GRID2: variants seen among roughly 807,000 people sequenced by gnomAD.
The protein encoded by GRID2 is glutamate ionotropic receptor delta type subunit 2.
In GRID2, 33 loss-of-function variants were observed where a neutral mutation model predicts 114.8. The observed-to-expected ratio is 0.29, with a 90% CI of 0.22 to 0.38. GRID2 has a LOEUF of 0.38. Among genes scored for constraint, GRID2 ranks in the 10% least tolerant of loss-of-function variants. The probability of loss-of-function intolerance (pLI) is 1.00; values close to 1 mark genes in which losing one functional copy is unlikely to be tolerated. For synonymous variants in GRID2, 505 were observed against 449.9 expected, an observed-to-expected ratio of 1.12 and a Z score of -1.55; for missense variants, 1,184 against 1,257.7, an observed-to-expected ratio of 0.94 and a Z score of 0.89.
chr4:92,815,914 CAAAAAAA>C (rs5860292), intron 2 of GRID2, among the ~76,000 whole-genome samples: 4 of 46,864 alleles, frequency 8.5e-5, no homozygotes, highest in Admixed American at 3.8e-4. Context: ...GACCCTGTCT[CAAAAAAA>C]AAAAAAAAAA....
chr4:92,750,490 CA>C (rs11309254), intron 2 of GRID2, among the ~76,000 whole-genome samples: 89,412 of 151,896 alleles, frequency 0.59, 27,409 homozygotes, highest in Middle Eastern at 0.77. Context: ...TCACATAGAC[CA>C]AAGAAAGAAT....
intron 12 of GRID2, among the ~76,000 whole-genome samples, chr4:93,502,714 C>T (rs5000358): frequency 2.3e-5 from 3 of 132,436 alleles, no homozygotes; most frequent in Non-Finnish European, 4.7e-5. Context: ...CACTCCCCCC[C>T]CCCACACACA....
intron 2 of GRID2, among the ~76,000 whole-genome samples, chr4:92,799,170 G>A (rs1740033063): frequency 6.6e-6 from 1 of 152,010 alleles, no homozygotes; most frequent in African/African-American, 2.4e-5. Context: ...AGTCCCAGAT[G>A]GGCTGTGATG....
chr4:93,742,842 C>G (rs1354705251), intron 14 of GRID2, among the ~76,000 whole-genome samples: 6 of 152,124 alleles, frequency 3.9e-5, no homozygotes, highest in Admixed American at 3.9e-4. Flanking sequence ...AAATAATAAC[C>G]CTACAATAGC....
chr4:93,446,428 T>C (rs187672505), intron 10 of GRID2, among the ~76,000 whole-genome samples: 1 of 152,184 alleles, frequency 6.6e-6, no homozygotes, highest in Non-Finnish European at 1.5e-5. Flanking sequence ...GGAAGAACTT[T>C]GTGGCTATCT....
chr4:92,814,300 C>T (rs1472354153), intron 2 of GRID2, among the ~76,000 whole-genome samples: 3 of 151,996 alleles, frequency 2.0e-5, no homozygotes, highest in African/African-American at 4.8e-5. Flanking sequence ...AGATATAATA[C>T]AGTATTTATG....
At chr4:93,742,289 C>G (rs1000683952) in intron 14 of GRID2, among the ~76,000 whole-genome samples, 1 of 152,170 alleles carries the variant, frequency 6.6e-6, no homozygotes, top group Non-Finnish European at 1.5e-5. Flanking sequence ...CAAGCTTTGT[C>G]CTCATGGATT....
chr4:92,392,536 T>C (rs566244157), intron 1 of GRID2, among the ~76,000 whole-genome samples: 1 of 152,176 alleles, frequency 6.6e-6, no homozygotes, highest in South Asian at 2.1e-4. Context: ...AGACTCTGTC[T>C]CAAAATATAT....
In GRID2 at chr4:92,919,508, T is replaced by C. The variant is rs990411191; in HGVS notation, c.245-165487T>C. 4.6e-5 allele frequency among the ~76,000 whole-genome samples: 7 copies of C among 152,372 alleles called. No homozygotes were observed. The East Asian group carries it at 1.3e-3, about 29-fold the overall frequency. Reference sequence around the variant, plus strand: ...GCATTTAGTGCTATAAGTTTCCCTCTACACACTGCTTTGAATGTGTCCCAG... The same window carrying C: ...GCATTTAGTGCTATAAGTTTCCCTCCACACACTGCTTTGAATGTGTCCCAG... On this transcript the variant is annotated intron_variant, in intron 2 of 15. Coordinates refer to ENST00000282020, the MANE Select transcript of GRID2 (RefSeq NM_001510.4).
chr4:92,514,779 G>A (rs1174910457), intron 1 of GRID2, among the ~76,000 whole-genome samples: 1 of 151,730 alleles, frequency 6.6e-6, no homozygotes, highest in African/African-American at 2.4e-5. Flanking sequence ...GCTGCTATTT[G>A]TAAAACTCAG....
At chr4:92,380,119 A>G (rs1729544828) in intron 1 of GRID2, among the ~76,000 whole-genome samples, 1 of 151,890 alleles carries the variant, frequency 6.6e-6, no homozygotes, top group South Asian at 2.1e-4. Flanking sequence ...TCAGCAAAGC[A>G]AGGCTAACAA....
At chr4:93,055,905 GTAT>G (rs1256389682) in intron 2 of GRID2, among the ~76,000 whole-genome samples, 2 of 151,824 alleles carry the variant, frequency 1.3e-5, no homozygotes, top group African/African-American at 4.8e-5. Flanking sequence ...CTTTCCAATA[GTAT>G]TATGAAAGAA....
At chr4:93,079,833 C>T (rs752758968) in intron 2 of GRID2, among the ~76,000 whole-genome samples, 1 of 152,090 alleles carries the variant, frequency 6.6e-6, no homozygotes, top group Non-Finnish European at 1.5e-5. Flanking sequence ...CTGAAAATTA[C>T]TCAACTGAGT....
intron 2 of GRID2, among the ~76,000 whole-genome samples, chr4:92,740,815 C>T (rs1306748470): frequency 5.3e-5 from 8 of 152,048 alleles, no homozygotes; most frequent in South Asian, 2.1e-4. Flanking sequence ...GGAGCGATCC[C>T]GGCTCACTGC....
intron 2 of GRID2, among the ~76,000 whole-genome samples, chr4:93,066,245 G>A (rs968111895): frequency 6.6e-6 from 1 of 151,838 alleles, no homozygotes; most frequent in Non-Finnish European, 1.5e-5. Flanking sequence ...ACATGTGATG[G>A]TACTAAGATA....
At chr4:93,743,105 G>A (rs1245174730) in intron 14 of GRID2, among the ~76,000 whole-genome samples, 1 of 152,140 alleles carries the variant, frequency 6.6e-6, no homozygotes, top group Non-Finnish European at 1.5e-5. Flanking sequence ...TGAAAATGGA[G>A]AAAGTTTAAT....
At chr4:92,350,866 C>T (rs533490983) in intron 1 of GRID2, among the ~76,000 whole-genome samples, 19 of 151,858 alleles carry the variant, frequency 1.3e-4, no homozygotes, top group East Asian at 3.9e-4. Flanking sequence ...AACCACTAAT[C>T]GACTTTCTGT....
intron 8 of GRID2, among the ~76,000 whole-genome samples, chr4:93,252,439 G>C (rs1749071168): frequency 7.4e-6 from 1 of 135,720 alleles, no homozygotes; most frequent in Admixed American, 8.6e-5. Flanking sequence ...ATCTGTTCTT[G>C]TACAAGTACC....
At chr4:93,583,850 A>C (rs1253527232) in intron 13 of GRID2, among the ~76,000 whole-genome samples, 1 of 152,178 alleles carries the variant, frequency 6.6e-6, no homozygotes, top group African/African-American at 2.4e-5. Context: ...GCTTTTTGCA[A>C]ACAAACTACA....
Sources: gnomAD v4.1 joint callset for allele counts (sites outside exome capture counted in the v4.1 genomes callset) on GRCh38, gnomAD v4.1.1 for gene constraint, MANE v1.5 for transcripts, NCBI Gene and HGNC (gene_info 2026-07-23, HGNC 2026-07-21) for gene names.